The following CELF2 variants were observed in gnomAD, a reference collection of about 807,000 sequenced individuals.
CELF2 encodes CUGBP Elav-like family member 2.
Under a neutral mutation model 62.6 loss-of-function variants are expected in CELF2, and 8 were observed. That is an observed-to-expected ratio of 0.13 (90% CI 0.07 to 0.23). The LOEUF is 0.23. Ranked by LOEUF, CELF2 falls within the 10% of genes least tolerant of loss-of-function variation. CELF2 has a pLI of 1.00. For synonymous variants in CELF2, 258 were observed against 250.0 expected (o/e 1.03, Z -0.30); for missense variants, 333 against 671.0 (o/e 0.50, Z 5.56).
At chr10:10,555,369 G>A in the CELF2 span, among the ~76,000 whole-genome samples, 1 of 151,156 alleles carries the variant, frequency 6.6e-6, no homozygotes. Context: ...TTCAGTCTCC[G>A]TTCTGTATTG....
chr10:11,184,399 G>C (rs1200942674), intron 2 of CELF2, among the ~76,000 whole-genome samples: 1 of 152,038 alleles, frequency 6.6e-6, no homozygotes, highest in Non-Finnish European at 1.5e-5. Context: ...GTATCTCCTC[G>C]TAAATTTTAG....
At chr10:11,171,100 A>G (rs2068722287) in intron 2 of CELF2, among the ~76,000 whole-genome samples, 1 of 152,218 alleles carries the variant, frequency 6.6e-6, no homozygotes, top group African/African-American at 2.4e-5. Flanking sequence ...GCTTTTGTTG[A>G]CTATCACTAC....
chr10:10,962,803 GA>G (rs962601312), intron 2 of CELF2, among the ~76,000 whole-genome samples: 24 of 152,264 alleles, frequency 1.6e-4, no homozygotes, highest in African/African-American at 5.8e-4. Flanking sequence ...AAAACTAGGA[GA>G]AAAAATGTGA....
intron 1 of CELF2, among the ~76,000 whole-genome samples, chr10:11,158,054 G>A (rs1372370759): frequency 6.6e-6 from 1 of 152,208 alleles, no homozygotes; most frequent in Non-Finnish European, 1.5e-5. Flanking sequence ...GCAGGCCCCT[G>A]TTGAGTTTCC....
chr10:10,871,354 C>T (rs986804449), intron 1 of CELF2, among the ~76,000 whole-genome samples: 4 of 152,226 alleles, frequency 2.6e-5, no homozygotes, highest in African/African-American at 4.8e-5. Context: ...CTATGCGCCA[C>T]ATCTAATGTC....
intron 1 of CELF2, among the ~76,000 whole-genome samples, chr10:11,131,238 G>A (rs1278094561): frequency 6.6e-6 from 1 of 152,186 alleles, no homozygotes; most frequent in Non-Finnish European, 1.5e-5. Context: ...GGCCTTAAGA[G>A]TGTCATACAG....
the CELF2 span, among the ~76,000 whole-genome samples, chr10:10,698,716 C>T: frequency 3.3e-5 from 5 of 152,098 alleles, no homozygotes; most frequent in African/African-American, 7.2e-5. Flanking sequence ...CTTCTCATAG[C>T]GGTCATCGAT....
chr10:10,524,947 G>C, the CELF2 span, among the ~76,000 whole-genome samples: 2 of 152,134 alleles, frequency 1.3e-5, no homozygotes, highest in Non-Finnish European at 2.9e-5. Context: ...TATCGCTCTA[G>C]TCCTAATGTA....
intron 9 of CELF2, among the ~76,000 whole-genome samples, chr10:11,295,849 C>G (rs1054130508): frequency 3.3e-5 from 5 of 152,284 alleles, no homozygotes; most frequent in Admixed American, 1.3e-4. Flanking sequence ...CCCTCCCACC[C>G]AGAGGGGTTT....
intron 1 of CELF2, among the ~76,000 whole-genome samples, chr10:11,044,995 A>G (rs2062561949): frequency 6.6e-6 from 1 of 152,208 alleles, no homozygotes; most frequent in South Asian, 2.1e-4. Context: ...TGTTTATTCC[A>G]TTTAATAGAA....
At chr10:11,263,462 C>T (rs1295245603) in intron 5 of CELF2, among the ~76,000 whole-genome samples, 1 of 152,142 alleles carries the variant, frequency 6.6e-6, no homozygotes, top group Non-Finnish European at 1.5e-5. Context: ...AGCCTTGTTT[C>T]TCCGGCATTT....
chr10:10,652,971 C>G, the CELF2 span, among the ~76,000 whole-genome samples: 2 of 152,060 alleles, frequency 1.3e-5, no homozygotes, highest in African/African-American at 4.8e-5. Context: ...TCAGGAAACC[C>G]ATCTCATGTG....
At chr10:10,693,874 T>C in the CELF2 span, among the ~76,000 whole-genome samples, 14,102 of 152,094 alleles carry the variant, frequency 0.093, 877 homozygotes, top group Non-Finnish European at 0.13. Flanking sequence ...TTATCATTTT[T>C]TATTGCGTCT....
the CELF2 span, among the ~76,000 whole-genome samples, chr10:10,768,577 CTT>C: frequency 1.4e-4 from 20 of 138,458 alleles, no homozygotes; most frequent in Admixed American, 2.2e-4. Context: ...TTTTCTTTTT[CTT>C]TTTTTTTTTT....
chr10:10,945,905 C>T (rs890378542), intron 2 of CELF2: 1 of 152,710 alleles, frequency 6.5e-6, no homozygotes, highest in Non-Finnish European at 1.5e-5. Flanking sequence ...CCACCTCCCA[C>T]GTTTTCCCCC....
chr10:11,178,302 A>G lies in CELF2; in HGVS notation c.271+12620A>G, dbSNP rs1281960977. Among the ~76,000 whole-genome samples, 1 of 152,212 alleles carries G rather than the reference A, an allele frequency of 6.6e-6. No homozygotes were observed. The highest frequency in any genetic ancestry group is 1.9e-4 in the East Asian group (1 of 5,194). On this transcript the variant is annotated intron_variant, in intron 2 of 12. Transcript: ENST00000633077. This position sits in a 1 kb window ranked among gnomAD's most constrained non-coding sequence, Gnocchi z 4.3. ...GTCCGTTTTACACAGGCCACCATAC[A>G]GCTGCCAGGTGGCGCTGGCTCTTAG...
At position 11,177,686 on chromosome 10, in the gene CELF2, G is replaced by C. The variant is rs1325913776; in HGVS notation, c.271+12004G>C. ...TTAAATCCTCTGTAAGATAGTCAAG[G>C]CTTCTCCAGTAGAAAGTTAGGTTTT... On this transcript the variant is annotated intron_variant, in intron 2 of 12. Transcript: ENST00000633077. The surrounding 1 kb of genome is among the most constrained non-coding windows in gnomAD (Gnocchi z 4.8). Among the ~76,000 whole-genome samples the C allele has an allele frequency of 6.6e-6, 1 of 152,164 alleles. No homozygotes were observed. The highest frequency in any genetic ancestry group is 1.5e-5 in the Non-Finnish European group (1 of 68,028).
chr10:10,478,895 G>C, the CELF2 span, among the ~76,000 whole-genome samples: 2 of 152,194 alleles, frequency 1.3e-5, no homozygotes, highest in Non-Finnish European at 2.9e-5. Flanking sequence ...AAAGCACAAA[G>C]AGTAGGTTAA....
In CELF2 at chr10:11,330,847, A is replaced by ATGT. The variant is rs2095998489; in HGVS notation, c.*1797_*1799dup. 6.6e-6 allele frequency: 1 copy of ATGT among 152,580 alleles called. No individual in the cohort carries two copies. The highest frequency in any genetic ancestry group is 1.5e-5 in the Non-Finnish European group (1 of 68,024). 9.5% of individuals were successfully genotyped at this position (152,580 alleles called of 1,614,324 possible). A position where few individuals can be genotyped will look rare whatever the true frequency, so the allele number is the denominator to read the frequency against. On this transcript the variant is annotated 3_prime_UTR_variant, in exon 13 of 13. Transcript: ENST00000633077. This position sits in a 1 kb window ranked among gnomAD's most constrained non-coding sequence, Gnocchi z 4.5. ...AGCAATATGTGTCCAGGGACACAGAATGTTGGTTTCTAACAGACTACTTCC... is the reference window on the plus strand; with the variant it reads ...AGCAATATGTGTCCAGGGACACAGAATGTTGTTGGTTTCTAACAGACTACTTCC...
Sources: gnomAD v4.1 joint callset for allele counts (sites outside exome capture counted in the v4.1 genomes callset) on GRCh38, gnomAD v4.1.1 for gene constraint, Gnocchi (gnomAD v3.1) non-coding constraint, MANE v1.5 for transcripts, NCBI Gene and HGNC (gene_info 2026-07-23, HGNC 2026-07-21) for gene names.